The following FAM118A variants were observed in gnomAD, a reference collection of about 807,000 sequenced individuals.
FAM118A encodes the protein SIR2 antiphage like 2.
Under a neutral mutation model 38.2 loss-of-function variants are expected in FAM118A, and 25 were observed. That is an observed-to-expected ratio of 0.65 (90% CI 0.48 to 0.91). FAM118A has a LOEUF of 0.91. FAM118A is among the 40% of genes least tolerant of loss of function. The probability of loss-of-function intolerance (pLI) is 0.00; values close to 1 mark genes in which losing one functional copy is unlikely to be tolerated. For missense variants in FAM118A, 425 were observed against 463.3 expected (o/e 0.92, Z 0.76); for synonymous variants, 178 against 184.1 (o/e 0.97, Z 0.27).
intron 3 of FAM118A, 67 bp downstream of exon 3, chr22:45,323,494 C>T (rs1337056813): frequency 6.4e-7 from 1 of 1,568,334 alleles, no homozygotes; most frequent in East Asian, 2.3e-5. Flanking sequence ...AGTCTGTGAA[C>T]CTAATGTTAA....
At chr22:45,314,222 C>A (rs1004012528) in intron 1 of FAM118A, among the ~76,000 whole-genome samples, 1 of 152,210 alleles carries the variant, frequency 6.6e-6, no homozygotes, top group Non-Finnish European at 1.5e-5. Context: ...ACCCCGCCCC[C>A]CAAGCTAACA....
At chr22:45,331,745 C>T (rs1267776886) in intron 5 of FAM118A, among the ~76,000 whole-genome samples, 1 of 152,210 alleles carries the variant, frequency 6.6e-6, no homozygotes, top group Admixed American at 6.5e-5. Context: ...ATCATTAATA[C>T]TGCTTGGTGA....
At chr22:45,326,972 T>C (rs1183946642) in intron 3 of FAM118A, among the ~76,000 whole-genome samples, 1 of 150,810 alleles carries the variant, frequency 6.6e-6, no homozygotes, top group Non-Finnish European at 1.5e-5. Flanking sequence ...ATCGTGCCAC[T>C]CACTGCACTC....
intron 4 of FAM118A, chr22:45,328,644 A>C (rs956752349): frequency 1.2e-5 from 7 of 563,620 alleles, no homozygotes; most frequent in Non-Finnish European, 2.2e-5. Context: ...AAAAAAAAAA[A>C]GTAATAATGG....
At chr22:45,331,275 G>A (rs930876823) in intron 5 of FAM118A, among the ~76,000 whole-genome samples, 2 of 152,094 alleles carry the variant, frequency 1.3e-5, no homozygotes, top group African/African-American at 4.8e-5. Flanking sequence ...GGTGAACTGG[G>A]ATCGCACCAC....
Position 45,336,505 on chromosome 22 carries a change from C to G in FAM118A, c.1054+94C>G, listed in dbSNP as rs552022149. The stretch of plus-strand genomic sequence containing the variant: ...CGTGCTGCGCTTTAATGCCCCGCGC[C>G]CTATGGTGGGAGGACGGTGCATACG... On this transcript the variant is annotated intron_variant, in intron 8 of 8. Transcript: ENST00000441876. 9 of 938,758 alleles carry G rather than the reference C, an allele frequency of 9.6e-6. No individual in the cohort carries two copies. In the East Asian group the frequency reaches 2.3e-4, roughly 24 times the overall value. 58.2% of individuals were successfully genotyped at this position (938,758 alleles called of 1,614,324 possible).
At chr22:45,332,103 T>A (rs1328183474) in intron 5 of FAM118A, among the ~76,000 whole-genome samples, 1 of 152,142 alleles carries the variant, frequency 6.6e-6, no homozygotes, top group African/African-American at 2.4e-5. Context: ...CTGGTGAGTG[T>A]GTGGGGTGGG....
chr22:45,337,917 C>A, intron 8 of FAM118A: 1 of 985,072 alleles, frequency 1.0e-6, no homozygotes, highest in East Asian at 1.1e-4. Flanking sequence ...GTCTGAAGAC[C>A]AGGTTTCCTA....
intron 1 of FAM118A, among the ~76,000 whole-genome samples, chr22:45,311,395 C>T (rs1601864475): frequency 6.6e-6 from 1 of 152,150 alleles, no homozygotes; most frequent in African/African-American, 2.4e-5. Context: ...CTTTCTTGAA[C>T]GACTGCACCT....
At chr22:45,325,031 A>C (rs2085161601) in intron 3 of FAM118A, among the ~76,000 whole-genome samples, 1 of 152,194 alleles carries the variant, frequency 6.6e-6, no homozygotes. Context: ...TGGGCAACAA[A>C]AGTGAAACTC....
intron 3 of FAM118A, 93 bp downstream of exon 3, chr22:45,323,520 C>G: frequency 6.6e-7 from 1 of 1,504,060 alleles, no homozygotes; most frequent in Non-Finnish European, 9.0e-7. Context: ...GCAGGCCTAA[C>G]TTGTGTTCAG....
At chr22:45,314,459 C>T (rs566006982) in intron 1 of FAM118A, among the ~76,000 whole-genome samples, 2 of 152,184 alleles carry the variant, frequency 1.3e-5, no homozygotes, top group Non-Finnish European at 2.9e-5. Context: ...ATGCCCAGGC[C>T]GGTGGGAAGG....
chr22:45,336,694 A>T (rs570029589), intron 8 of FAM118A, among the ~76,000 whole-genome samples: 1 of 152,326 alleles, frequency 6.6e-6, no homozygotes, highest in Admixed American at 6.5e-5. Flanking sequence ...CTCTCTCCAA[A>T]AAGAAAAGTT....
At position 45,325,185 on chromosome 22, in the gene FAM118A, G is replaced by A. The variant is rs1215256260; in HGVS notation, c.300+1758G>A. 8.5e-5 allele frequency among the ~76,000 whole-genome samples: 13 copies of A among 152,234 alleles called. 1 individual carries two copies. The highest frequency in any genetic ancestry group is 8.5e-4 in the Admixed American group (13 of 15,284). ...TGAGGGCCCTTGTTGTCCTTCAGGT[G>A]AAGAGAGACTGTTTGTCTAGAATGA... is the stretch of plus-strand genomic sequence containing the variant. On this transcript the variant is annotated intron_variant, in intron 3 of 8. Coordinates refer to ENST00000441876, the MANE Select transcript of FAM118A (RefSeq NM_017911.4).
Position 45,331,263 on chromosome 22 carries a change from A to G in FAM118A, c.651+532A>G, listed in dbSNP as rs530025492. ...TGCTTGAGTCCAGGAGGGAGAGGCTATGGTGAACTGGGATCGCACCACTGC... is the reference window on the plus strand; with the variant it reads ...TGCTTGAGTCCAGGAGGGAGAGGCTGTGGTGAACTGGGATCGCACCACTGC... On this transcript the variant is annotated intron_variant, in intron 5 of 8. Coordinates refer to ENST00000441876, the MANE Select transcript of FAM118A (RefSeq NM_017911.4). Among the ~76,000 whole-genome samples the G allele has an allele frequency of 5.3e-5, 8 of 152,316 alleles. No homozygotes were observed. In the South Asian group the frequency reaches 8.3e-4, roughly 16 times the overall value.
chr22:45,333,877 T>G (rs2085904241), intron 6 of FAM118A, among the ~76,000 whole-genome samples: 1 of 152,178 alleles, frequency 6.6e-6, no homozygotes, highest in African/African-American at 2.4e-5. Flanking sequence ...AGTTTACAGC[T>G]GTGCACACAT....
At chr22:45,315,783 T>G (rs926143408) in intron 1 of FAM118A, among the ~76,000 whole-genome samples, 7 of 152,026 alleles carry the variant, frequency 4.6e-5, no homozygotes, top group Non-Finnish European at 8.8e-5. Flanking sequence ...AAGGGTGGTG[T>G]TTCCTTGTCT....
intron 1 of FAM118A, among the ~76,000 whole-genome samples, chr22:45,310,896 C>A (rs226505): frequency 0.43 from 64,988 of 152,074 alleles, 17,243 homozygotes; most frequent in Non-Finnish European, 0.6. Flanking sequence ...TTGTCTCCTC[C>A]TTAATTTTTT....
chr22:45,327,302 G>C (rs953834272), intron 3 of FAM118A, among the ~76,000 whole-genome samples: 2 of 149,188 alleles, frequency 1.3e-5, no homozygotes, highest in African/African-American at 2.5e-5. Flanking sequence ...ACGAAGACAC[G>C]CTGTTTCATT....
Sources: gnomAD v4.1 joint callset for allele counts (sites outside exome capture counted in the v4.1 genomes callset) on GRCh38, gnomAD v4.1.1 for gene constraint, MANE v1.5 for transcripts, NCBI Gene and HGNC (gene_info 2026-07-23, HGNC 2026-07-21) for gene names.